PTPRQ: variants seen among roughly 807,000 people sequenced by gnomAD.
PTPRQ encodes phosphatidylinositol phosphatase PTPRQ.
PTPRQ carries 199 observed loss-of-function variants against 246.0 expected under a neutral mutation model. The observed-to-expected ratio is 0.81, with a 90% CI of 0.72 to 0.91. The LOEUF (loss-of-function observed/expected upper bound fraction) is 0.91, where lower values mean the gene tolerates loss of function less well. Ranked by LOEUF, PTPRQ falls within the 40% of genes least tolerant of loss-of-function variation. The probability of loss-of-function intolerance (pLI) is 0.00; values close to 1 mark genes in which losing one functional copy is unlikely to be tolerated. For synonymous variants in PTPRQ, 869 were observed against 853.2 expected, an observed-to-expected ratio of 1.02 and a Z score of -0.32; for missense variants, 2,624 against 2,528.4, an observed-to-expected ratio of 1.04 and a Z score of -0.81.
At chr12:80,630,982 G>T (rs1899409954) in intron 33 of PTPRQ, among the ~76,000 whole-genome samples, 1 of 152,134 alleles carries the variant, frequency 6.6e-6, no homozygotes, top group Non-Finnish European at 1.5e-5. Flanking sequence ...CCAAAGTGCT[G>T]GGATTATAGG....
intron 8 of PTPRQ, among the ~76,000 whole-genome samples, chr12:80,474,496 C>G (rs1208160802): frequency 1.3e-5 from 2 of 152,136 alleles, no homozygotes; most frequent in Admixed American, 1.3e-4. Flanking sequence ...TGTTACGGTC[C>G]ATAGTCTACT....
intron 17 of PTPRQ, among the ~76,000 whole-genome samples, chr12:80,532,516 C>T (rs891570994): frequency 3.3e-5 from 5 of 152,082 alleles, no homozygotes; most frequent in Admixed American, 6.6e-5. Flanking sequence ...CCACCACACT[C>T]GTCTTAATTG....
intron 2 of PTPRQ, among the ~76,000 whole-genome samples, 200 bp downstream of exon 2, chr12:80,445,049 A>G (rs1208347347): frequency 1.3e-5 from 2 of 151,910 alleles, no homozygotes; most frequent in African/African-American, 2.4e-5. Flanking sequence ...TTCAAAGTGC[A>G]AAGATAATTA....
chr12:80,472,553 A>G (rs1893674029), intron 8 of PTPRQ, among the ~76,000 whole-genome samples: 1 of 152,194 alleles, frequency 6.6e-6, no homozygotes, highest in Admixed American at 6.5e-5. Context: ...AAACAAACAC[A>G]TTTAGTATGG....
chr12:80,568,793 G>A (rs1176815286), intron 25 of PTPRQ, among the ~76,000 whole-genome samples: 6 of 152,150 alleles, frequency 3.9e-5, no homozygotes. Context: ...ACCAATCAAT[G>A]ACAGATTTTG....
rs1015569581 is a variant in PTPRQ, at chr12:80,498,703, C to G, written c.2272+2172C>G. 1.2e-4 allele frequency among the ~76,000 whole-genome samples: 19 copies of G among 152,148 alleles called. 1 individual carries two copies. Among genetic ancestry groups the G allele is most frequent in the Non-Finnish European group, 1.9e-4 (13 of 67,964 alleles). On this transcript the variant is annotated intron_variant, in intron 14 of 44. Coordinates refer to ENST00000644991, the MANE Select transcript of PTPRQ (RefSeq NM_001145026.2). The stretch of plus-strand genomic sequence containing the variant: ...CTGATATTTTGTCATTAGGCTTCTG[C>G]TCAGCATGGGGAGGAAAGTAATAAC...
intron 6 of PTPRQ, among the ~76,000 whole-genome samples, chr12:80,467,869 A>AG (rs1893487239): frequency 6.6e-6 from 1 of 151,162 alleles, no homozygotes; most frequent in East Asian, 2.0e-4. Flanking sequence ...GGGTGGGGGC[A>AG]GGGGGGAGGT....
At chr12:80,460,383 G>A (rs10862123) in intron 5 of PTPRQ, among the ~76,000 whole-genome samples, 59,236 of 152,020 alleles carry the variant, frequency 0.39, 13,218 homozygotes, top group African/African-American at 0.61. Context: ...AATTCTTACA[G>A]ATGATTGTGC....
intron 39 of PTPRQ, among the ~76,000 whole-genome samples, chr12:80,665,766 T>C (rs960506600): frequency 5.9e-5 from 9 of 151,752 alleles, no homozygotes; most frequent in Non-Finnish European, 1.5e-5. Flanking sequence ...AAAAATCCAA[T>C]TTAAAAATGG....
At chr12:80,495,670 T>C (rs957892480) in intron 12 of PTPRQ, among the ~76,000 whole-genome samples, 3 of 152,076 alleles carry the variant, frequency 2.0e-5, no homozygotes, top group South Asian at 2.1e-4. Context: ...TAACTCATTA[T>C]TGAAGACTAA....
intron 17 of PTPRQ, among the ~76,000 whole-genome samples, chr12:80,518,714 C>T (rs957510432): frequency 6.6e-6 from 1 of 152,140 alleles, no homozygotes; most frequent in Middle Eastern, 3.2e-3. Context: ...GTTTTCCCAG[C>T]ACCATTTATT....
chr12:80,549,653 T>G lies in PTPRQ; in HGVS notation c.4204T>G (p.Tyr1402Asp). ...CATAAAGCTTCTTGCCAATACCTCA[T>G]ATGTCTTTAAAGTAAGAGCTTCAAC... ...TFIKLLANTS[Y>D]VFKVRASTSA... Residue 1402 changes from tyrosine (Y) to aspartate (D), a missense_variant, in exon 25 of 45, where the codon TAT becomes GAT. Tyr to Asp is a radical substitution (Grantham distance 160). Coordinates refer to ENST00000644991, the MANE Select transcript of PTPRQ (RefSeq NM_001145026.2). The G allele has an allele frequency of 6.4e-7, 1 of 1,551,178 alleles. No individual in the cohort carries two copies. The highest frequency in any genetic ancestry group is 8.7e-7 in the Non-Finnish European group (1 of 1,146,574).
At chr12:80,619,705 A>G (rs1027638825) in intron 31 of PTPRQ, among the ~76,000 whole-genome samples, 163 bp downstream of exon 31, 1 of 148,328 alleles carries the variant, frequency 6.7e-6, no homozygotes, top group Non-Finnish European at 1.5e-5. Flanking sequence ...TTTCTTTGTA[A>G]ATAAATAAAT....
At chr12:80,473,063 A>G (rs1397720105) in intron 8 of PTPRQ, among the ~76,000 whole-genome samples, 4 of 151,412 alleles carry the variant, frequency 2.6e-5, no homozygotes, top group African/African-American at 4.9e-5. Context: ...ACACACACAC[A>G]CACACACACA....
At chr12:80,521,137 C>T (rs528767375) in intron 17 of PTPRQ, among the ~76,000 whole-genome samples, 1 of 152,154 alleles carries the variant, frequency 6.6e-6, no homozygotes, top group East Asian at 1.9e-4. Flanking sequence ...TTTCATGTGT[C>T]TTTTGGCTGC....
At chr12:80,591,288 G>A (rs1056393582) in intron 26 of PTPRQ, among the ~76,000 whole-genome samples, 1 of 151,984 alleles carries the variant, frequency 6.6e-6, no homozygotes, top group African/African-American at 2.4e-5. Context: ...ACTGTGACCA[G>A]CTAATTTTAA....
intron 9 of PTPRQ, among the ~76,000 whole-genome samples, chr12:80,485,928 T>C (rs1410772801): frequency 6.6e-6 from 1 of 152,102 alleles, no homozygotes; most frequent in Non-Finnish European, 1.5e-5. Flanking sequence ...TCTCGTCTCA[T>C]AGTAGAGAGC....
rs189306719 is a variant in PTPRQ, at chr12:80,454,535, A to G, written c.391-3040A>G. The G allele has an allele frequency of 2.1e-3, 1,458 of 702,462 alleles. 23 individuals carry two copies. Among genetic ancestry groups the G allele is most frequent in the Middle Eastern group, 0.018 (80 of 4,370 alleles). 43.5% of individuals were successfully genotyped at this position (702,462 alleles called of 1,614,324 possible). A position where few individuals can be genotyped will look rare whatever the true frequency, so the allele number is the denominator to read the frequency against. On this transcript the variant is annotated intron_variant, in intron 3 of 44. Coordinates refer to ENST00000644991, the MANE Select transcript of PTPRQ (RefSeq NM_001145026.2). The stretch of plus-strand genomic sequence containing the variant: ...TAGGATTGGTGAGAGTAGACATCCT[A>G]CTTTTGTTGCATTTCTTAGGGATAA...
chr12:80,620,438 T>A (rs1193567188), intron 32 of PTPRQ, 62 bp downstream of exon 32: 5 of 1,535,458 alleles, frequency 3.3e-6, no homozygotes, highest in Non-Finnish European at 4.4e-6. Context: ...CTTTCATCCA[T>A]CCATCTGCCT....
Sources: allele counts gnomAD v4.1 joint callset (sites outside exome capture counted in the v4.1 genomes callset), GRCh38; gene constraint gnomAD v4.1.1; transcripts MANE v1.5; gene names NCBI Gene and HGNC (gene_info 2026-07-23, HGNC 2026-07-21).